The following GPHN variants were observed in gnomAD, a reference collection of about 807,000 sequenced individuals.
GPHN encodes the protein gephyrin.
A neutral mutation model predicts 95.5 loss-of-function variants in GPHN; 17 were observed. That is an observed-to-expected ratio of 0.18 (90% CI 0.12 to 0.27). The LOEUF (loss-of-function observed/expected upper bound fraction) is 0.27, where lower values mean the gene tolerates loss of function less well. Among genes scored for constraint, GPHN ranks in the 10% least tolerant of loss-of-function variants. The pLI is 1.00. For synonymous variants in GPHN, 320 were observed against 322.5 expected (o/e 0.99, Z 0.08); for missense variants, 660 against 978.1 (o/e 0.67, Z 4.34).
rs568118474 is a variant in GPHN, at chr14:66,899,912, G to GT, written c.390-16084dup. On this transcript the variant is annotated intron_variant, in intron 5 of 22. Transcript: ENST00000478722. ...TGTCCTAGAGCTTTATTTTTCTAGA[G>GT]TTTTTTTACTATAAATTGAATTTTC... is the stretch of plus-strand genomic sequence containing the variant. Among the ~76,000 whole-genome samples the GT allele has an allele frequency of 1.2e-3, 175 of 151,782 alleles. 5 individuals are homozygous for GT. In the South Asian group the frequency reaches 0.027, roughly 23 times the overall value.
At chr14:67,622,778 C>G in the GPHN span, among the ~76,000 whole-genome samples, 1 of 152,260 alleles carries the variant, frequency 6.6e-6, no homozygotes, top group Non-Finnish European at 1.5e-5. Flanking sequence ...TCAAATTGCT[C>G]TACCGTCTGT....
At chr14:67,255,754 C>T in the GPHN span, among the ~76,000 whole-genome samples, 1 of 152,226 alleles carries the variant, frequency 6.6e-6, no homozygotes, top group Non-Finnish European at 1.5e-5. Context: ...AATCTGGGCT[C>T]ACTGCAACCT....
intron 3 of GPHN, among the ~76,000 whole-genome samples, chr14:66,810,572 C>T (rs2060720125): frequency 1.3e-5 from 2 of 151,916 alleles, no homozygotes; most frequent in South Asian, 4.1e-4. Flanking sequence ...CTTTTTCTTA[C>T]TAATATATAA....
chr14:67,477,466 A>G, the GPHN span, among the ~76,000 whole-genome samples: 1 of 152,154 alleles, frequency 6.6e-6, no homozygotes, highest in Non-Finnish European at 1.5e-5. Flanking sequence ...GAATTTCTAC[A>G]GCACTTACTC....
At chr14:66,578,442 T>A (rs1030618066) in intron 1 of GPHN, among the ~76,000 whole-genome samples, 22 of 151,690 alleles carry the variant, frequency 1.5e-4, no homozygotes, top group Non-Finnish European at 3.2e-4. Context: ...TAGGGACAGA[T>A]ATAAATGTCC....
chr14:67,128,538 T>C (rs935971975), intron 17 of GPHN, among the ~76,000 whole-genome samples: 3 of 152,238 alleles, frequency 2.0e-5, no homozygotes, highest in African/African-American at 7.2e-5. Flanking sequence ...TTTATAAATA[T>C]GGTATATGCA....
chr14:67,466,402 G>C, the GPHN span, among the ~76,000 whole-genome samples: 1 of 152,374 alleles, frequency 6.6e-6, no homozygotes, highest in Non-Finnish European at 1.5e-5. Flanking sequence ...ATGCTGGCAG[G>C]GCTCTGCAGG....
At chr14:66,785,427 A>T (rs1205369525) in intron 3 of GPHN, among the ~76,000 whole-genome samples, 1 of 152,138 alleles carries the variant, frequency 6.6e-6, no homozygotes, top group African/African-American at 2.4e-5. Flanking sequence ...TATTAATATC[A>T]GACCAAGTAG....
At chr14:66,699,910 T>C (rs2068402176) in intron 2 of GPHN, among the ~76,000 whole-genome samples, 1 of 152,194 alleles carries the variant, frequency 6.6e-6, no homozygotes, top group Non-Finnish European at 1.5e-5. Context: ...CGAAGGATGT[T>C]TAAAATTTGA....
intron 1 of GPHN, among the ~76,000 whole-genome samples, chr14:66,536,667 T>C (rs1213425688): frequency 1.3e-5 from 2 of 152,226 alleles, no homozygotes; most frequent in Non-Finnish European, 2.9e-5. Context: ...TCTCTCTTTT[T>C]TATTCTCTGA....
At chr14:67,659,088 G>A in the GPHN span, among the ~76,000 whole-genome samples, 5 of 152,164 alleles carry the variant, frequency 3.3e-5, no homozygotes, top group African/African-American at 1.2e-4. Context: ...AGCTGCTCTA[G>A]ATGGTTTCAG....
At chr14:66,722,338 C>A (rs984848980) in intron 2 of GPHN, among the ~76,000 whole-genome samples, 1 of 152,118 alleles carries the variant, frequency 6.6e-6, no homozygotes, top group Non-Finnish European at 1.5e-5. Flanking sequence ...TTCACGATAT[C>A]GTTATCAAGA....
intron 10 of GPHN, among the ~76,000 whole-genome samples, chr14:67,056,675 C>T (rs1433100839): frequency 6.6e-6 from 1 of 152,202 alleles, no homozygotes; most frequent in African/African-American, 2.4e-5. Flanking sequence ...CCTAGTGGAT[C>T]ACACGCCAGG....
At chr14:67,348,434 T>C in the GPHN span, among the ~76,000 whole-genome samples, 2,922 of 151,414 alleles carry the variant, frequency 0.019, 40 homozygotes, top group Non-Finnish European at 0.028. Flanking sequence ...CTCGAACTCC[T>C]GACCTTGTGA....
the GPHN span, among the ~76,000 whole-genome samples, chr14:67,249,604 A>T: frequency 6.6e-6 from 1 of 152,176 alleles, no homozygotes; most frequent in Admixed American, 6.5e-5. Context: ...ATAAGTTCAA[A>T]TATTAGAAAT....
intron 8 of GPHN, among the ~76,000 whole-genome samples, chr14:66,964,084 A>T (rs1031814329): frequency 6.6e-6 from 1 of 152,216 alleles, no homozygotes; most frequent in Non-Finnish European, 1.5e-5. Flanking sequence ...GAACTAAATT[A>T]TGCAAGGCCT....
At chr14:66,736,391 C>CTTTTTT (rs1300392799) in intron 2 of GPHN, among the ~76,000 whole-genome samples, 1 of 133,118 alleles carries the variant, frequency 7.5e-6, no homozygotes. Flanking sequence ...TGTTTTCTTT[C>CTTTTTT]TTTTTTTTTT....
At chr14:67,261,683 G>C in the GPHN span, among the ~76,000 whole-genome samples, 1 of 151,990 alleles carries the variant, frequency 6.6e-6, no homozygotes, top group Admixed American at 6.6e-5. Context: ...TGGTAGCCTA[G>C]TATCACTTTA....
rs1256641488 is a variant in GPHN at position 66,508,177 on chromosome 14, C to T, written c.-351C>T. On this transcript the variant is annotated 5_prime_UTR_variant, in exon 1 of 23. Transcript: ENST00000478722. ...CCTCTCAGTCCTGCCATCTAGCTGC[C>T]TTGGGTCTCGCGCTCCGCAGAGCGT... 5 of 482,918 alleles carry T rather than the reference C, an allele frequency of 1.0e-5. No individual in the cohort carries two copies. Among genetic ancestry groups the T allele is most frequent in the South Asian group, 2.1e-5 (1 of 48,180 alleles). 29.9% of individuals were successfully genotyped at this position (482,918 alleles called of 1,614,324 possible). A position where few individuals can be genotyped will look rare whatever the true frequency, so the allele number is the denominator to read the frequency against.
Sources: allele counts gnomAD v4.1 joint callset (sites outside exome capture counted in the v4.1 genomes callset), GRCh38; gene constraint gnomAD v4.1.1; transcripts MANE v1.5; gene names NCBI Gene and HGNC (gene_info 2026-07-23, HGNC 2026-07-21).